The following ACYP2 variants were observed in gnomAD, a reference collection of about 807,000 sequenced individuals.
The protein encoded by ACYP2 is acylphosphatase-2.
In ACYP2, 12 loss-of-function variants were observed where a neutral mutation model predicts 11.2. That is an observed-to-expected ratio of 1.08 (90% CI 0.69 to 1.74). ACYP2 has a LOEUF of 1.74. Among genes scored for constraint, ACYP2 ranks in the 40% most tolerant of loss-of-function variants. The pLI is 0.00. For synonymous variants in ACYP2, 43 were observed against 32.2 expected (o/e 1.33, Z -1.13); for missense variants, 134 against 101.9 (o/e 1.31, Z -1.35).
intron 6 of ACYP2, among the ~76,000 whole-genome samples, chr2:54,301,637 TTA>T (rs543349484): frequency 1.3e-5 from 2 of 152,142 alleles, no homozygotes; most frequent in Non-Finnish European, 2.9e-5. Flanking sequence ...GTGAGTGATT[TTA>T]TATATATGTA....
At chr2:54,216,093 T>TA (rs1381939586) in intron 6 of ACYP2, among the ~76,000 whole-genome samples, 2 of 152,210 alleles carry the variant, frequency 1.3e-5, no homozygotes, top group Non-Finnish European at 2.9e-5. Context: ...GCCAGGAATC[T>TA]AACTTTAATT....
chr2:53,975,839 C>CA (rs1048570662), intron 2 of ACYP2, among the ~76,000 whole-genome samples: 3 of 151,320 alleles, frequency 2.0e-5, no homozygotes, highest in Non-Finnish European at 4.4e-5. Context: ...AACAAACAAA[C>CA]AAAAAAAACA....
chr2:54,124,928 A>AT (rs1439979181), intron 4 of ACYP2, among the ~76,000 whole-genome samples: 1 of 152,010 alleles, frequency 6.6e-6, no homozygotes, highest in Non-Finnish European at 1.5e-5. Flanking sequence ...TTGTATTCAT[A>AT]TTTTTTGTAG....
intron 4 of ACYP2, among the ~76,000 whole-genome samples, chr2:54,110,256 A>AC (rs61027396): frequency 0.5 from 75,781 of 151,962 alleles, 19,114 homozygotes; most frequent in South Asian, 0.56. Context: ...CTACCTGCCA[A>AC]CCCTGAGGAT....
intron 6 of ACYP2, among the ~76,000 whole-genome samples, chr2:54,168,668 T>C (rs1358884923): frequency 6.6e-6 from 1 of 152,100 alleles, no homozygotes; most frequent in East Asian, 1.9e-4. Flanking sequence ...AAAATAGATA[T>C]AGTAATCATT....
At chr2:54,285,016 G>A (rs1200620387) in intron 6 of ACYP2, among the ~76,000 whole-genome samples, 1 of 152,178 alleles carries the variant, frequency 6.6e-6, no homozygotes, top group African/African-American at 2.4e-5. Flanking sequence ...CACAGGTCTG[G>A]AGGCTGGGAA....
At chr2:54,013,255 ATGTGTGTGTGTGTG>A (rs60289014) in intron 2 of ACYP2, among the ~76,000 whole-genome samples, 4,452 of 117,500 alleles carry the variant, frequency 0.038, 154 homozygotes, top group East Asian at 0.079. Context: ...ACCATCTAAT[ATGTGTGTGTGTGTG>A]TGTGTGTGTG....
intron 4 of ACYP2, among the ~76,000 whole-genome samples, chr2:54,120,484 T>G (rs1680083759): frequency 6.6e-6 from 1 of 152,250 alleles, no homozygotes; most frequent in African/African-American, 2.4e-5. Flanking sequence ...AAATGCATTG[T>G]GACTATCTGT....
chr2:54,106,863 C>T (rs749916869), intron 4 of ACYP2, among the ~76,000 whole-genome samples: 10 of 152,116 alleles, frequency 6.6e-5, no homozygotes, highest in African/African-American at 9.7e-5. Context: ...GGATTACAAG[C>T]GTGAGCCACC....
At chr2:54,106,185 TG>T (rs1558532346) in intron 4 of ACYP2, among the ~76,000 whole-genome samples, 1 of 152,234 alleles carries the variant, frequency 6.6e-6, no homozygotes, top group Non-Finnish European at 1.5e-5. Flanking sequence ...TTATTGACAC[TG>T]TACTGCATTC....
chr2:54,279,608 C>T (rs969301967), intron 6 of ACYP2, among the ~76,000 whole-genome samples: 4 of 121,116 alleles, frequency 3.3e-5, no homozygotes, highest in Non-Finnish European at 5.5e-5. Context: ...TCAAGAGCTG[C>T]AGTCTCTATC....
chr2:54,120,082 C>G (rs1043044632), intron 4 of ACYP2, among the ~76,000 whole-genome samples: 3 of 152,362 alleles, frequency 2.0e-5, no homozygotes, highest in East Asian at 1.9e-4. Flanking sequence ...TACTGTCAAT[C>G]TGACTTATCA....
chr2:54,068,009 C>T (rs904727697), intron 4 of ACYP2, among the ~76,000 whole-genome samples: 3 of 152,090 alleles, frequency 2.0e-5, no homozygotes, highest in Non-Finnish European at 2.9e-5. Context: ...TTTAATGTGG[C>T]GTTTGACTTT....
At chr2:54,177,226 G>A (rs749488061) in intron 6 of ACYP2, among the ~76,000 whole-genome samples, 3 of 152,118 alleles carry the variant, frequency 2.0e-5, no homozygotes, top group Admixed American at 2.0e-4. Context: ...GTTGAATGCT[G>A]CCAGTGGAAG....
rs371527887 is a variant in ACYP2 at position 54,011,559 on chromosome 2, G to A, written c.62+37749G>A. 2.9e-4 allele frequency among the ~76,000 whole-genome samples: 44 copies of A among 152,268 alleles called. 1 individual carries two copies. The South Asian group carries it at 8.5e-3, about 29-fold the overall frequency. On this transcript the variant is annotated intron_variant, in intron 2 of 6. Transcript: ENST00000607452. ...TCTTTTAAAGTTACAGATATTTAAT[G>A]TTGTATCTTGCATTTTGGGGAACCT...
intron 4 of ACYP2, among the ~76,000 whole-genome samples, chr2:54,122,132 A>T (rs1048697999): frequency 2.0e-5 from 3 of 152,222 alleles, no homozygotes; most frequent in Non-Finnish European, 4.4e-5. Context: ...CAGCATATAG[A>T]TCACTTCCTG....
At chr2:54,128,335 G>A (rs1309870039) in intron 4 of ACYP2, among the ~76,000 whole-genome samples, 1 of 152,182 alleles carries the variant, frequency 6.6e-6, no homozygotes, top group Admixed American at 6.5e-5. Flanking sequence ...GTATCAGCAA[G>A]TGCCTTTCAT....
chr2:54,076,253 C>T (rs1003075150), intron 4 of ACYP2, among the ~76,000 whole-genome samples: 5 of 152,078 alleles, frequency 3.3e-5, no homozygotes, highest in African/African-American at 4.8e-5. Flanking sequence ...GAGAAAATGG[C>T]GGGGGAAGTC....
intron 6 of ACYP2, among the ~76,000 whole-genome samples, chr2:54,210,511 A>G (rs1186258394): frequency 6.6e-6 from 1 of 152,114 alleles, no homozygotes; most frequent in Admixed American, 6.5e-5. Flanking sequence ...GGGATGGGTG[A>G]CTCTGCTTTG....
Sources: gnomAD v4.1 joint callset for allele counts (sites outside exome capture counted in the v4.1 genomes callset) on GRCh38, gnomAD v4.1.1 for gene constraint, MANE v1.5 for transcripts, NCBI Gene and HGNC (gene_info 2026-07-23, HGNC 2026-07-21) for gene names.